The following PDIA5 variants were observed in gnomAD, a reference collection of about 807,000 sequenced individuals.
The protein encoded by PDIA5 is protein disulfide-isomerase A5.
In PDIA5, 58 loss-of-function variants were observed where a neutral mutation model predicts 77.6. That is an observed-to-expected ratio of 0.75 (90% CI 0.61 to 0.93). PDIA5 has a LOEUF of 0.93. PDIA5 is among the 40% of genes least tolerant of loss of function. The pLI is 0.00. For synonymous variants in PDIA5, 250 were observed against 252.1 expected (o/e 0.99, Z 0.08); for missense variants, 630 against 647.7 (o/e 0.97, Z 0.30).
chr3:123,108,302 A>G (rs1342437703), intron 6 of PDIA5, among the ~76,000 whole-genome samples: 1 of 142,748 alleles, frequency 7.0e-6, no homozygotes, highest in Non-Finnish European at 1.5e-5. Flanking sequence ...TTTTTTTGAG[A>G]CAGAGTCTTA....
In PDIA5 at chr3:123,161,886, G is replaced by T; in HGVS notation, c.1486G>T (p.Gly496Ter). 1 of 1,587,886 alleles carries T rather than the reference G, an allele frequency of 6.3e-7. No homozygotes were observed. Among genetic ancestry groups the T allele is most frequent in the Non-Finnish European group, 8.6e-7 (1 of 1,156,690 alleles). Reference sequence around the variant, plus strand: ...CTCTCCCACTTCCCTGCAGGAATTGGGATTTACCAATTATATTCGAGCCCT... The same window carrying T: ...CTCTCCCACTTCCCTGCAGGAATTGTGATTTACCAATTATATTCGAGCCCT... ...EKYDSDRTEL[G>*]FTNYIRALRE... The change falls in exon 17 of 17, where the codon GGA (glycine) becomes TGA (stop). Residue 496 changes from glycine (G) to a stop codon, truncating the protein, a stop_gained. Coordinates refer to ENST00000316218, the MANE Select transcript of PDIA5 (RefSeq NM_006810.4). LOFTEE classifies it high-confidence loss of function.
intron 11 of PDIA5, among the ~76,000 whole-genome samples, chr3:123,138,564 T>G (rs1158043491): frequency 6.6e-6 from 1 of 152,250 alleles, no homozygotes; most frequent in Non-Finnish European, 1.5e-5. Flanking sequence ...TTTAAAAGCT[T>G]GTTTATCCAC....
intron 14 of PDIA5, among the ~76,000 whole-genome samples, chr3:123,150,734 T>C (rs1047247504): frequency 6.6e-6 from 1 of 151,056 alleles, no homozygotes; most frequent in Non-Finnish European, 1.5e-5. Flanking sequence ...CACTGACTTA[T>C]CTTCAGCACC....
At chr3:123,101,429 A>G (rs868041483) in intron 3 of PDIA5, among the ~76,000 whole-genome samples, 2 of 152,164 alleles carry the variant, frequency 1.3e-5, no homozygotes, top group Non-Finnish European at 1.5e-5. Flanking sequence ...GTGCTTTGTA[A>G]ACAGGGAATG....
At chr3:123,118,391 C>T (rs1416742224) in intron 8 of PDIA5, among the ~76,000 whole-genome samples, 1 of 152,196 alleles carries the variant, frequency 6.6e-6, no homozygotes, top group African/African-American at 2.4e-5. Flanking sequence ...GAAATCTGCT[C>T]AGCTCAACTT....
chr3:123,145,169 GGCA>G (rs1935738843), intron 11 of PDIA5: 1 of 218,324 alleles, frequency 4.6e-6, no homozygotes, highest in African/African-American at 2.3e-5. Context: ...TATGGCCTTG[GGCA>G]GTCACCTGCC....
intron 6 of PDIA5, 58 bp from the exon 7 acceptor site, chr3:123,110,886 G>T (rs969271453): frequency 5.2e-6 from 7 of 1,358,266 alleles, no homozygotes; most frequent in Admixed American, 5.0e-5. Flanking sequence ...CGGGGAGGGG[G>T]TCTCATCCTG....
At chr3:123,091,728 GC>G (rs910949901) in intron 2 of PDIA5, among the ~76,000 whole-genome samples, 19 of 152,302 alleles carry the variant, frequency 1.2e-4, no homozygotes, top group African/African-American at 3.8e-4. Context: ...ACCAGCTCTT[GC>G]CCCGTGGCTT....
chr3:123,106,193 T>C (rs1078982), intron 5 of PDIA5, among the ~76,000 whole-genome samples: 117,853 of 152,204 alleles, frequency 0.77, 45,694 homozygotes, highest in African/African-American at 0.79. Flanking sequence ...CTCATTCATA[T>C]ACAGAGGCGG....
chr3:123,088,143 T>C (rs1934189610), intron 1 of PDIA5, among the ~76,000 whole-genome samples: 1 of 152,222 alleles, frequency 6.6e-6, no homozygotes, highest in South Asian at 2.1e-4. Flanking sequence ...CTCCATATAG[T>C]AACCCTCTTG....
chr3:123,160,483 TCTC>T (rs1936134305), intron 15 of PDIA5, among the ~76,000 whole-genome samples: 2 of 152,210 alleles, frequency 1.3e-5, no homozygotes, highest in South Asian at 2.1e-4. Flanking sequence ...GCTTCCCTGG[TCTC>T]CTCCTCTTCC....
At chr3:123,095,875 C>T (rs181618799) in intron 3 of PDIA5, among the ~76,000 whole-genome samples, 208 of 152,130 alleles carry the variant, frequency 1.4e-3, no homozygotes, top group Non-Finnish European at 2.5e-3. Flanking sequence ...CAAGTCACTG[C>T]CCTTCTCTGG....
At chr3:123,082,798 A>C (rs1159122603) in intron 1 of PDIA5, among the ~76,000 whole-genome samples, 1 of 152,108 alleles carries the variant, frequency 6.6e-6, no homozygotes, top group Non-Finnish European at 1.5e-5. Flanking sequence ...CAAGGTGGGC[A>C]TTGGTATTCT....
At chr3:123,160,413 C>G (rs961745537) in intron 15 of PDIA5, among the ~76,000 whole-genome samples, 7 of 152,136 alleles carry the variant, frequency 4.6e-5, no homozygotes, top group African/African-American at 1.7e-4. Context: ...GTGGGAACCA[C>G]TTTCTGACCA....
At chr3:123,150,435 C>T in intron 14 of PDIA5, 71 bp downstream of exon 14, 1 of 1,472,860 alleles carries the variant, frequency 6.8e-7, no homozygotes. Flanking sequence ...AAAAGACCCG[C>T]ACACCCACCC....
chr3:123,103,925 G>A (rs1480273164), intron 5 of PDIA5, among the ~76,000 whole-genome samples: 1 of 152,192 alleles, frequency 6.6e-6, no homozygotes, highest in Non-Finnish European at 1.5e-5. Flanking sequence ...GAGGGCTGGA[G>A]TTTTGTTTTG....
At chr3:123,146,975 A>G (rs1023683334) in intron 13 of PDIA5, among the ~76,000 whole-genome samples, 10 of 151,830 alleles carry the variant, frequency 6.6e-5, no homozygotes, top group African/African-American at 1.5e-4. Flanking sequence ...ATGCCTGGCT[A>G]ATTTTTTGTA....
At chr3:123,135,834 TAA>T (rs1325190034) in intron 11 of PDIA5, among the ~76,000 whole-genome samples, 3 of 149,918 alleles carry the variant, frequency 2.0e-5, no homozygotes, top group Non-Finnish European at 4.4e-5. Context: ...TTTTATTTTT[TAA>T]AAGAGGATAC....
At chr3:123,120,152 T>G (rs836846) in intron 8 of PDIA5, among the ~76,000 whole-genome samples, 34,266 of 152,136 alleles carry the variant, frequency 0.23, 4,206 homozygotes, top group African/African-American at 0.33. Flanking sequence ...ACTGAGCCTT[T>G]GAGCTTTGCC....
Sources: allele counts gnomAD v4.1 joint callset (sites outside exome capture counted in the v4.1 genomes callset), GRCh38; gene constraint gnomAD v4.1.1; transcripts MANE v1.5; gene names NCBI Gene and HGNC (gene_info 2026-07-23, HGNC 2026-07-21).